The following FHIP1A variants were observed in gnomAD, a reference collection of about 807,000 sequenced individuals.
FHIP1A encodes the protein FHF complex subunit HOOK-interacting protein 1A.
A neutral mutation model predicts 88.6 loss-of-function variants in FHIP1A; 61 were observed. The ratio of observed to expected loss-of-function variants is 0.69; its 90% CI spans 0.56 to 0.85. The LOEUF (loss-of-function observed/expected upper bound fraction) is 0.85, where lower values mean the gene tolerates loss of function less well. Among genes scored for constraint, FHIP1A ranks in the 40% least tolerant of loss-of-function variants. The pLI, the probability that FHIP1A is intolerant of heterozygous loss-of-function variation, is 0.00. For missense variants in FHIP1A, 1,154 were observed against 1,273.5 expected (o/e 0.91, Z 1.43); for synonymous variants, 478 against 496.0 (o/e 0.96, Z 0.48).
chr4:151,511,755 G>A (rs1401005090), intron 3 of FHIP1A, among the ~76,000 whole-genome samples: 7 of 152,252 alleles, frequency 4.6e-5, no homozygotes, highest in Admixed American at 3.9e-4. Context: ...CATTGCCCAG[G>A]CTTGCTTAGG....
chr4:151,450,550 A>G (rs928821661), intron 1 of FHIP1A, among the ~76,000 whole-genome samples: 4 of 152,176 alleles, frequency 2.6e-5, no homozygotes, highest in Non-Finnish European at 5.9e-5. Context: ...ATATCTTGGT[A>G]TGCTTACACA....
chr4:151,644,474 C>T (rs1290634741), intron 9 of FHIP1A, among the ~76,000 whole-genome samples: 2 of 152,120 alleles, frequency 1.3e-5, no homozygotes, highest in South Asian at 2.1e-4. Flanking sequence ...ACCTCAGCCT[C>T]CCGACTAGCT....
chr4:151,483,558 AG>A (rs1729975499), intron 3 of FHIP1A, among the ~76,000 whole-genome samples: 1 of 152,162 alleles, frequency 6.6e-6, no homozygotes, highest in African/African-American at 2.4e-5. Context: ...CTTATTGTGT[AG>A]ACACAAAACA....
chr4:151,451,395 A>G (rs1160430326), intron 1 of FHIP1A, among the ~76,000 whole-genome samples: 1 of 152,148 alleles, frequency 6.6e-6, no homozygotes, highest in Non-Finnish European at 1.5e-5. Flanking sequence ...CTTTTATTTT[A>G]ACACTCAAAT....
intron 3 of FHIP1A, among the ~76,000 whole-genome samples, chr4:151,500,420 A>G (rs1730608024): frequency 7.2e-6 from 1 of 138,174 alleles, no homozygotes; most frequent in African/African-American, 2.7e-5. Flanking sequence ...CTTCGATTGT[A>G]TGGAGGTCAG....
chr4:151,614,468 C>CAA (rs1170058431), intron 7 of FHIP1A, among the ~76,000 whole-genome samples: 13 of 61,152 alleles, frequency 2.1e-4, no homozygotes, highest in South Asian at 5.2e-4. Flanking sequence ...GACTCTGTCT[C>CAA]AAAAAAAAAA....
At chr4:151,649,028 C>T (rs751623341) in intron 10 of FHIP1A, among the ~76,000 whole-genome samples, 9 of 152,102 alleles carry the variant, frequency 5.9e-5, no homozygotes, top group Admixed American at 4.6e-4. Context: ...TTCTACAAAA[C>T]GTCTGGTTCT....
chr4:151,568,928 G>A (rs1438892448), intron 4 of FHIP1A, among the ~76,000 whole-genome samples: 5 of 152,198 alleles, frequency 3.3e-5, no homozygotes, highest in African/African-American at 1.2e-4. Flanking sequence ...AGGCAGAGAT[G>A]TGGGACCAAA....
intron 7 of FHIP1A, among the ~76,000 whole-genome samples, chr4:151,609,440 A>G (rs1735211320): frequency 6.6e-6 from 1 of 152,244 alleles, no homozygotes; most frequent in African/African-American, 2.4e-5. Flanking sequence ...CATGTAGAAA[A>G]ACCTACAAGA....
intron 3 of FHIP1A, among the ~76,000 whole-genome samples, chr4:151,516,655 A>G (rs569876742): frequency 9.2e-5 from 14 of 152,374 alleles, no homozygotes; most frequent in Non-Finnish European, 1.8e-4. Flanking sequence ...AGGAACAGAC[A>G]CTTACCAAAA....
At chr4:151,487,398 T>A (rs1430308528) in intron 3 of FHIP1A, among the ~76,000 whole-genome samples, 1 of 152,154 alleles carries the variant, frequency 6.6e-6, no homozygotes, top group African/African-American at 2.4e-5. Context: ...ACCCACATGT[T>A]CTTCCCTCAG....
intron 3 of FHIP1A, among the ~76,000 whole-genome samples, chr4:151,561,432 G>T (rs1733168201): frequency 1.3e-5 from 2 of 152,172 alleles, no homozygotes; most frequent in African/African-American, 2.4e-5. Context: ...TGGGCCAGAA[G>T]ATTAGAGCAC....
intron 1 of FHIP1A, among the ~76,000 whole-genome samples, chr4:151,450,787 T>A (rs1728764016): frequency 6.6e-6 from 1 of 152,150 alleles, no homozygotes; most frequent in Non-Finnish European, 1.5e-5. Context: ...TCTCGTCTTT[T>A]TTTTTTCTGA....
At chr4:151,579,788 T>G (rs866093764) in intron 5 of FHIP1A, among the ~76,000 whole-genome samples, 11 of 152,330 alleles carry the variant, frequency 7.2e-5, no homozygotes, top group Middle Eastern at 3.4e-3. Context: ...TTTAAAAAGT[T>G]TTTATTATGA....
At chr4:151,509,251 C>T (rs1036553429) in intron 3 of FHIP1A, among the ~76,000 whole-genome samples, 4 of 152,134 alleles carry the variant, frequency 2.6e-5, no homozygotes, top group Non-Finnish European at 5.9e-5. Context: ...CAACCTCCGC[C>T]TCCTGGGTTC....
At chr4:151,628,072 G>A (rs1423776510) in intron 7 of FHIP1A, among the ~76,000 whole-genome samples, 4 of 152,176 alleles carry the variant, frequency 2.6e-5, no homozygotes, top group Non-Finnish European at 5.9e-5. Flanking sequence ...TTAAATGTTT[G>A]ATGGTTGCCT....
chr4:151,434,727 G>A (rs987663234), intron 1 of FHIP1A, among the ~76,000 whole-genome samples: 1 of 152,116 alleles, frequency 6.6e-6, no homozygotes, highest in Admixed American at 6.6e-5. Context: ...ATCTAATCTG[G>A]TAATGATTTT....
chr4:151,644,874 T>C (rs1345543485), intron 9 of FHIP1A, among the ~76,000 whole-genome samples: 1 of 152,212 alleles, frequency 6.6e-6, no homozygotes, highest in Non-Finnish European at 1.5e-5. Flanking sequence ...GGTCCAGCTA[T>C]GCTTTGTTCA....
chr4:151,566,611 G>A (rs529894037), intron 4 of FHIP1A, among the ~76,000 whole-genome samples: 1 of 152,264 alleles, frequency 6.6e-6, no homozygotes, highest in East Asian at 1.9e-4. Flanking sequence ...ATTTTTAGAA[G>A]AACAGCAGTT....
Sources: allele counts gnomAD v4.1 joint callset (sites outside exome capture counted in the v4.1 genomes callset), GRCh38; gene constraint gnomAD v4.1.1; transcripts MANE v1.5; gene names NCBI Gene and HGNC (gene_info 2026-07-23, HGNC 2026-07-21).